The following LINGO2 variants were observed in gnomAD, a reference collection of about 807,000 sequenced individuals.
The protein encoded by LINGO2 is leucine rich repeat and Ig domain containing 2.
LINGO2 carries 14 observed loss-of-function variants against 30.6 expected under a neutral mutation model. The observed-to-expected ratio is 0.46, with a 90% CI of 0.30 to 0.72. LINGO2 has a LOEUF of 0.72. LINGO2 is among the 30% of genes least tolerant of loss of function. LINGO2 has a pLI of 0.07. For synonymous variants in LINGO2, 317 were observed against 288.5 expected, an observed-to-expected ratio of 1.10 and a Z score of -1.00; for missense variants, 729 against 751.7, an observed-to-expected ratio of 0.97 and a Z score of 0.35.
chr9:29,045,195 C>T, the LINGO2 span, among the ~76,000 whole-genome samples: 1 of 152,026 alleles, frequency 6.6e-6, no homozygotes, highest in South Asian at 2.1e-4. Flanking sequence ...TAAGTGATTT[C>T]ATCATGGCTA....
At chr9:28,277,233 T>C (rs1206469408) in intron 4 of LINGO2, among the ~76,000 whole-genome samples, 1 of 152,196 alleles carries the variant, frequency 6.6e-6, no homozygotes. Flanking sequence ...TGTTAATATA[T>C]CTGTAACAGT....
intron 4 of LINGO2, among the ~76,000 whole-genome samples, chr9:28,100,944 C>A (rs146949821): frequency 8.6e-5 from 13 of 151,994 alleles, no homozygotes; most frequent in Non-Finnish European, 1.3e-4. Flanking sequence ...GTCATTGCAT[C>A]GGTCAATATA....
intron 4 of LINGO2, among the ~76,000 whole-genome samples, chr9:28,246,054 G>A (rs1385488692): frequency 1.3e-5 from 2 of 152,020 alleles, no homozygotes; most frequent in Non-Finnish European, 2.9e-5. Flanking sequence ...TATACCACAA[G>A]GCTACAGTAA....
At chr9:28,625,921 A>T (rs73644089) in intron 1 of LINGO2, among the ~76,000 whole-genome samples, 3,598 of 152,234 alleles carry the variant, frequency 0.024, 131 homozygotes, top group African/African-American at 0.075. Flanking sequence ...GTGAAGACAT[A>T]CACTTTGAGT....
chr9:28,364,051 T>G (rs189699371), intron 3 of LINGO2, among the ~76,000 whole-genome samples: 4 of 152,232 alleles, frequency 2.6e-5, no homozygotes, highest in Non-Finnish European at 4.4e-5. Context: ...CTGGTAGTCA[T>G]GTGAGTTACC....
the LINGO2 span, among the ~76,000 whole-genome samples, chr9:28,790,325 C>CTTTCTTTTTTT: frequency 9.4e-6 from 1 of 106,272 alleles, no homozygotes; most frequent in African/African-American, 3.9e-5. Flanking sequence ...TCTTTTCTTT[C>CTTTCTTTTTTT]TTTTTTTTTT....
At position 27,999,190 on chromosome 9, in the gene LINGO2, C is replaced by A. The variant is rs114617337; in HGVS notation, c.-36+13165G>T. 9.0e-3 allele frequency among the ~76,000 whole-genome samples: 1,368 copies of A among 152,030 alleles called. 20 individuals are homozygous for A. The highest frequency in any genetic ancestry group is 0.031 in the African/African-American group (1,294 of 41,468). The stretch of plus-strand genomic sequence containing the variant: ...AAAAATGAAAAAGCAAAAAAAAACC[C>A]AACACTGCCAACAACAACAACATAC... On this transcript the variant is annotated intron_variant, in intron 5 of 5. Transcript: ENST00000379992.
At chr9:28,019,517 T>A (rs1326863524) in intron 4 of LINGO2, among the ~76,000 whole-genome samples, 3 of 152,094 alleles carry the variant, frequency 2.0e-5, no homozygotes, top group African/African-American at 7.2e-5. Flanking sequence ...AATATTGTAA[T>A]AATATAATCA....
At chr9:28,702,431 A>AT in the LINGO2 span, among the ~76,000 whole-genome samples, 1 of 151,694 alleles carries the variant, frequency 6.6e-6, no homozygotes, top group South Asian at 2.1e-4. Flanking sequence ...ACATTAATAG[A>AT]TTTTTCAAAT....
chr9:28,685,777 T>C, the LINGO2 span, among the ~76,000 whole-genome samples: 26 of 152,278 alleles, frequency 1.7e-4, 1 homozygote, highest in South Asian at 5.0e-3. Flanking sequence ...TTCATCCACA[T>C]ATTTATTTGT....
At chr9:28,947,436 CTG>C in the LINGO2 span, among the ~76,000 whole-genome samples, 9 of 152,020 alleles carry the variant, frequency 5.9e-5, no homozygotes, top group African/African-American at 2.2e-4. Flanking sequence ...CATCTTTACT[CTG>C]TGGATAATAA....
the LINGO2 span, among the ~76,000 whole-genome samples, chr9:28,959,090 C>A: frequency 6.6e-6 from 1 of 151,992 alleles, no homozygotes; most frequent in African/African-American, 2.4e-5. Flanking sequence ...TGCCTGTCAC[C>A]CTGCATGTAC....
intron 1 of LINGO2, among the ~76,000 whole-genome samples, chr9:28,532,548 A>G (rs974830935): frequency 2.1e-4 from 32 of 152,084 alleles, no homozygotes; most frequent in Non-Finnish European, 5.9e-5. Context: ...GATTGAGGGT[A>G]CTTTTTCAAG....
At position 28,129,445 on chromosome 9, in the gene LINGO2, T is replaced by A. The variant is rs1298497670; in HGVS notation, c.-86-117040A>T. 2.6e-5 allele frequency among the ~76,000 whole-genome samples: 4 copies of A among 152,124 alleles called. No individual in the cohort carries two copies. The highest frequency in any genetic ancestry group is 4.4e-5 in the Non-Finnish European group (3 of 68,034). On this transcript the variant is annotated intron_variant, in intron 4 of 5. Transcript: ENST00000379992. The surrounding 1 kb of genome is among the most constrained non-coding windows in gnomAD (Gnocchi z 4.0). ...TGGGTACTCTTCACCCAAAAAGAGA[T>A]TCCTAAGTATAACTCTTGGCCGGCC... is the stretch of plus-strand genomic sequence containing the variant.
chr9:27,999,471 A>AGT (rs769660081), intron 5 of LINGO2, among the ~76,000 whole-genome samples: 3 of 146,202 alleles, frequency 2.1e-5, no homozygotes, highest in East Asian at 4.1e-4. Context: ...AGAGAGAGAG[A>AGT]GTCTGTGTGA....
chr9:28,260,059 G>A (rs1175557115), intron 4 of LINGO2, among the ~76,000 whole-genome samples: 1 of 151,628 alleles, frequency 6.6e-6, no homozygotes, highest in African/African-American at 2.4e-5. Context: ...GCAAGAATGA[G>A]CAATGGGCTC....
chr9:28,681,257 C>T, the LINGO2 span, among the ~76,000 whole-genome samples: 1 of 152,016 alleles, frequency 6.6e-6, no homozygotes. Context: ...ATGTATCACA[C>T]ACCCTGCTAT....
chr9:28,335,178 G>C (rs1396762018), intron 3 of LINGO2, among the ~76,000 whole-genome samples: 1 of 152,140 alleles, frequency 6.6e-6, no homozygotes, highest in Non-Finnish European at 1.5e-5. Flanking sequence ...GGCTTAGGAG[G>C]GAGAGCTGGT....
At chr9:28,307,206 CAACACATCAAAAAGCTTAT>C (rs748839436) in intron 3 of LINGO2, among the ~76,000 whole-genome samples, 2 of 152,152 alleles carry the variant, frequency 1.3e-5, no homozygotes, top group East Asian at 3.9e-4. Context: ...CCGAATCCAG[CAACACATCAAAAAGCTTAT>C]CCACCATGGT....
Sources: gnomAD v4.1 joint callset for allele counts (sites outside exome capture counted in the v4.1 genomes callset) on GRCh38, gnomAD v4.1.1 for gene constraint, Gnocchi (gnomAD v3.1) non-coding constraint, MANE v1.5 for transcripts, NCBI Gene and HGNC (gene_info 2026-07-23, HGNC 2026-07-21) for gene names.